Variants in SGCZ observed in about 807,000 individuals in gnomAD.
SGCZ encodes zeta-sarcoglycan.
SGCZ carries 40 observed loss-of-function variants against 41.3 expected under a neutral mutation model. The ratio of observed to expected loss-of-function variants is 0.97; its 90% CI spans 0.75 to 1.26. SGCZ has a LOEUF of 1.26. Ranked by LOEUF, SGCZ falls within the 50% of genes most tolerant of loss-of-function variation. SGCZ has a pLI of 0.00. For synonymous variants in SGCZ, 206 were observed against 137.5 expected (o/e 1.50, Z -3.49); for missense variants, 552 against 369.8 (o/e 1.49, Z -4.04).
chr8:14,504,423 G>C (rs1015558088), intron 2 of SGCZ, among the ~76,000 whole-genome samples: 8 of 152,186 alleles, frequency 5.3e-5, no homozygotes, highest in African/African-American at 1.7e-4. Context: ...TTAAAAGGAA[G>C]TTTATAGTTA....
At chr8:14,723,739 A>G (rs1292515833) in intron 1 of SGCZ, among the ~76,000 whole-genome samples, 1 of 152,042 alleles carries the variant, frequency 6.6e-6, no homozygotes, top group Non-Finnish European at 1.5e-5. Flanking sequence ...ATCTATGTGT[A>G]TATTATACAT....
intron 1 of SGCZ, among the ~76,000 whole-genome samples, chr8:14,981,501 G>A (rs576224423): frequency 4.0e-4 from 61 of 152,182 alleles, no homozygotes; most frequent in Non-Finnish European, 6.2e-4. Flanking sequence ...GCTTCATTTC[G>A]CAATAAGAAT....
intron 4 of SGCZ, among the ~76,000 whole-genome samples, chr8:14,192,747 T>C (rs1237566017): frequency 6.6e-6 from 1 of 152,054 alleles, no homozygotes; most frequent in Non-Finnish European, 1.5e-5. Context: ...CATAAACTTC[T>C]GTAACAAAAA....
At chr8:15,114,875 A>G (rs1305230358) in intron 1 of SGCZ, among the ~76,000 whole-genome samples, 1 of 152,086 alleles carries the variant, frequency 6.6e-6, no homozygotes, top group African/African-American at 2.4e-5. Context: ...TTCTAAATCC[A>G]GAGAGTGTCA....
intron 1 of SGCZ, among the ~76,000 whole-genome samples, chr8:15,097,620 A>AAT (rs1806395642): frequency 6.6e-6 from 1 of 151,354 alleles, no homozygotes; most frequent in Admixed American, 6.6e-5. Context: ...AGTCGGGGCA[A>AAT]TGTTGACTGC....
At chr8:14,463,265 A>G (rs1800952985) in intron 2 of SGCZ, among the ~76,000 whole-genome samples, 1 of 151,678 alleles carries the variant, frequency 6.6e-6, no homozygotes, top group East Asian at 1.9e-4. Flanking sequence ...ACAGCTTGAA[A>G]AAGAAGAACA....
chr8:14,481,388 T>C (rs533205666), intron 2 of SGCZ, among the ~76,000 whole-genome samples: 1 of 152,274 alleles, frequency 6.6e-6, no homozygotes, highest in South Asian at 2.1e-4. Context: ...TCACAATCAA[T>C]GGGGATTACT....
chr8:15,136,998 G>T (rs760172349), intron 1 of SGCZ, among the ~76,000 whole-genome samples: 20 of 152,214 alleles, frequency 1.3e-4, no homozygotes, highest in Non-Finnish European at 2.5e-4. Flanking sequence ...TTAGAGACTT[G>T]AAGGGCTTAG....
chr8:14,908,743 C>CAAAAAAAAA (rs58817872), intron 1 of SGCZ, among the ~76,000 whole-genome samples: 1 of 91,148 alleles, frequency 1.1e-5, no homozygotes, highest in African/African-American at 4.1e-5. Flanking sequence ...GTCACCGTTG[C>CAAAAAAAAA]AAAAAAAAAA....
chr8:14,287,098 A>G (rs982114951), intron 3 of SGCZ, among the ~76,000 whole-genome samples: 16 of 151,576 alleles, frequency 1.1e-4, no homozygotes, highest in African/African-American at 3.6e-4. Flanking sequence ...AGTAATTGTC[A>G]CATAAGTATA....
intron 7 of SGCZ, among the ~76,000 whole-genome samples, chr8:14,091,339 T>G (rs1421466695): frequency 6.6e-6 from 1 of 152,008 alleles, no homozygotes; most frequent in Non-Finnish European, 1.5e-5. Context: ...TATAATCCTT[T>G]GGGTATATAC....
intron 1 of SGCZ, among the ~76,000 whole-genome samples, chr8:14,633,983 C>G (rs1877017): frequency 0.33 from 50,052 of 151,560 alleles, 8,600 homozygotes; most frequent in East Asian, 0.63. Context: ...TGGTTGAGAT[C>G]CAAGACTACC....
intron 3 of SGCZ, among the ~76,000 whole-genome samples, chr8:14,300,040 TG>T: frequency 6.6e-6 from 1 of 152,096 alleles, no homozygotes; most frequent in Non-Finnish European, 1.5e-5. Context: ...TCTATGGTTT[TG>T]TAAGTCTGAA....
chr8:14,667,574 A>G (rs999396414), intron 1 of SGCZ, among the ~76,000 whole-genome samples: 4 of 152,208 alleles, frequency 2.6e-5, no homozygotes, highest in East Asian at 3.8e-4. Context: ...CTATAAAAAA[A>G]TATAACACTC....
chr8:14,712,261 C>T (rs956854809), intron 1 of SGCZ, among the ~76,000 whole-genome samples: 6 of 152,174 alleles, frequency 3.9e-5, no homozygotes, highest in East Asian at 1.9e-4. Flanking sequence ...CCTTCAGCTC[C>T]GTCCTGAAAC....
intron 1 of SGCZ, among the ~76,000 whole-genome samples, chr8:14,758,599 G>A (rs894011884): frequency 6.6e-5 from 10 of 152,068 alleles, no homozygotes; most frequent in African/African-American, 1.4e-4. Flanking sequence ...CAATGCTGTC[G>A]GTGTTAAGTT....
intron 1 of SGCZ, among the ~76,000 whole-genome samples, chr8:15,124,936 T>C (rs556437099): frequency 6.6e-6 from 1 of 152,276 alleles, no homozygotes; most frequent in African/African-American, 2.4e-5. Context: ...TAATACATTA[T>C]GGCTATGAAT....
chr8:14,365,346 A>G (rs1803662969), intron 2 of SGCZ, among the ~76,000 whole-genome samples: 1 of 152,010 alleles, frequency 6.6e-6, no homozygotes, highest in Admixed American at 6.6e-5. Flanking sequence ...ATTACAAAAT[A>G]TTTTCTGCAT....
At chr8:14,175,362 T>C (rs1410352729) in intron 4 of SGCZ, among the ~76,000 whole-genome samples, 1 of 152,028 alleles carries the variant, frequency 6.6e-6, no homozygotes, top group Non-Finnish European at 1.5e-5. Flanking sequence ...TTTTTAATTA[T>C]AGTGGAAAAA....
Sources: allele counts gnomAD v4.1 joint callset (sites outside exome capture counted in the v4.1 genomes callset), GRCh38; gene constraint gnomAD v4.1.1; transcripts MANE v1.5; gene names NCBI Gene and HGNC (gene_info 2026-07-23, HGNC 2026-07-21).